The following EPB41L3 variants were observed in gnomAD, a reference collection of about 807,000 sequenced individuals.
The protein encoded by EPB41L3 is band 4.1-like protein 3.
In EPB41L3, 57 loss-of-function variants were observed where a neutral mutation model predicts 127.1. The ratio of observed to expected loss-of-function variants is 0.45; its 90% CI spans 0.36 to 0.56. The LOEUF (loss-of-function observed/expected upper bound fraction) is 0.56. Ranked by LOEUF, EPB41L3 falls within the 20% of genes least tolerant of loss-of-function variation. The pLI is 0.00. For missense variants in EPB41L3, 1,273 were observed against 1,372.2 expected, an observed-to-expected ratio of 0.93 and a Z score of 1.14; for synonymous variants, 572 against 549.5, an observed-to-expected ratio of 1.04 and a Z score of -0.57.
At chr18:5,544,081 GA>G (rs1299094138), upstream of EPB41L3, 1 of 985,450 alleles carries the variant, frequency 1.0e-6, no homozygotes, top group Non-Finnish European at 1.2e-6. Flanking sequence ...AGGCTCCGCG[GA>G]GCTGCGGCGG....
chr18:5,620,164 C>T (rs1002048613), intron 1 of EPB41L3, among the ~76,000 whole-genome samples: 2 of 152,038 alleles, frequency 1.3e-5, no homozygotes, highest in Non-Finnish European at 2.9e-5. Context: ...TATGACAATG[C>T]TTCAGGATTG....
intron 3 of EPB41L3, among the ~76,000 whole-genome samples, chr18:5,469,266 C>T (rs1187973242): frequency 6.6e-6 from 1 of 152,162 alleles, no homozygotes; most frequent in Non-Finnish European, 1.5e-5. Flanking sequence ...GTGACATCCT[C>T]TTTGGGGGGT....
At position 5,422,369 on chromosome 18, in the gene EPB41L3, G is replaced by A. The variant is rs912552282; in HGVS notation, c.1339+1009C>T. 9.9e-5 allele frequency among the ~76,000 whole-genome samples: 15 copies of A among 152,202 alleles called. No individual in the cohort carries two copies. The East Asian group carries it at 2.9e-3, about 29-fold the overall frequency. On this transcript the variant is annotated intron_variant, in intron 11 of 22. Coordinates refer to ENST00000341928, the MANE Select transcript of EPB41L3 (RefSeq NM_012307.5). ...GAGCACCTCTCCCCATCAATCACCC[G>A]GCTAGTGAAATGGGGAAGGCAGAGC...
At chr18:5,578,748 T>C (rs1453049758) in intron 3 of EPB41L3, among the ~76,000 whole-genome samples, 1 of 152,124 alleles carries the variant, frequency 6.6e-6, no homozygotes. Flanking sequence ...CCCATTCACT[T>C]AGCAAAAAAT....
chr18:5,400,686 AAAC>A, intron 16 of EPB41L3: 1 of 496,148 alleles, frequency 2.0e-6, no homozygotes, highest in South Asian at 1.7e-5. Flanking sequence ...ACAGGCAGTA[AAAC>A]AACATTTCAG....
chr18:5,486,566 T>A (rs971981097), intron 2 of EPB41L3, among the ~76,000 whole-genome samples: 3 of 151,364 alleles, frequency 2.0e-5, no homozygotes, highest in Admixed American at 6.6e-5. Context: ...GTAGAAAAAA[T>A]TTGCAAAGTG....
rs1179376967 is a variant in EPB41L3 at position 5,415,842 on chromosome 18, G to T, written c.2043C>A (p.Asp681Glu). The change falls in exon 13 of 23, where the codon GAC (aspartate) becomes GAA (glutamate). Residue 681 changes from aspartate to glutamate, a missense_variant. This residue lies in a region of EPB41L3 where 765 missense variants were observed against 782.9 expected (regional missense o/e 0.98). Transcript: ENST00000341928. Reference protein sequence around the residue: ...AASLSASLDNDPSDSSEEETD... With the variant: ...AASLSASLDNEPSDSSEEETD... ...CCTCTTCCTCTGAACTGTCACTCGG[G>T]TCATTGTCTAGGGAGGCGCTCAAGG... 2.5e-6 allele frequency: 4 copies of T among 1,612,936 alleles called. No homozygotes were observed. The East Asian group carries it at 6.7e-5, about 27-fold the overall frequency.
intron 3 of EPB41L3, among the ~76,000 whole-genome samples, chr18:5,565,285 G>A (rs2094183734): frequency 6.6e-6 from 1 of 151,872 alleles, no homozygotes; most frequent in African/African-American, 2.4e-5. Flanking sequence ...GGCAGTGTGT[G>A]CCTGTAATCC....
chr18:5,623,942 T>A (rs1248565203), intron 1 of EPB41L3, among the ~76,000 whole-genome samples: 1 of 152,156 alleles, frequency 6.6e-6, no homozygotes, highest in Admixed American at 6.5e-5. Context: ...TAGGCAATGT[T>A]TTCATTTTTA....
intron 13 of EPB41L3, among the ~76,000 whole-genome samples, chr18:5,411,079 C>T (rs995370964): frequency 1.3e-5 from 2 of 152,168 alleles, no homozygotes; most frequent in Non-Finnish European, 2.9e-5. Context: ...CTGTAACAGT[C>T]ACTGGACTTT....
intron 13 of EPB41L3, among the ~76,000 whole-genome samples, chr18:5,412,363 C>T (rs913142411): frequency 1.3e-4 from 20 of 152,002 alleles, no homozygotes; most frequent in African/African-American, 4.3e-4. Flanking sequence ...CTAGCTGGGA[C>T]TATAGGTGCA....
At chr18:5,586,557 A>T (rs1333808140) in intron 3 of EPB41L3, among the ~76,000 whole-genome samples, 1 of 143,334 alleles carries the variant, frequency 7.0e-6, no homozygotes, top group Non-Finnish European at 1.5e-5. Context: ...GCACCACCAT[A>T]CATGACTATT....
At chr18:5,594,849 A>G (rs2143640384) in intron 3 of EPB41L3, among the ~76,000 whole-genome samples, 1 of 152,362 alleles carries the variant, frequency 6.6e-6, no homozygotes, top group Admixed American at 6.5e-5. Context: ...ATTACATAAG[A>G]TTATCAAGAC....
At chr18:5,569,437 G>A (rs1249750544) in intron 3 of EPB41L3, among the ~76,000 whole-genome samples, 2 of 152,124 alleles carry the variant, frequency 1.3e-5, no homozygotes, top group East Asian at 1.9e-4. Context: ...ATATAAAGTA[G>A]TCCCCCTAAT....
Position 5,532,463 on chromosome 18 carries a change from G to T in EPB41L3, c.-12+11450C>A, listed in dbSNP as rs77487865. On this transcript the variant is annotated intron_variant, in intron 1 of 22. Coordinates refer to ENST00000341928, the MANE Select transcript of EPB41L3 (RefSeq NM_012307.5). Reference sequence around the variant, plus strand: ...CATTTTGGCACATGCCATCAGTCTCGTCTTTTCACTTTCAGTGTGTATCTC... The same window carrying T: ...CATTTTGGCACATGCCATCAGTCTCTTCTTTTCACTTTCAGTGTGTATCTC... 8.6e-3 allele frequency among the ~76,000 whole-genome samples: 1,310 copies of T among 152,282 alleles called. 19 individuals carry two copies. The highest frequency in any genetic ancestry group is 0.029 in the African/African-American group (1,220 of 41,566).
chr18:5,566,114 G>A (rs943304605), intron 3 of EPB41L3, among the ~76,000 whole-genome samples: 4 of 152,138 alleles, frequency 2.6e-5, no homozygotes, highest in African/African-American at 9.7e-5. Context: ...GTTCTGGCCA[G>A]GACAATCAGG....
At chr18:5,396,850 T>C (rs1166432164) in intron 18 of EPB41L3, among the ~76,000 whole-genome samples, 1 of 152,078 alleles carries the variant, frequency 6.6e-6, no homozygotes, top group Non-Finnish European at 1.5e-5. Flanking sequence ...TATTAATAAT[T>C]AAGAGATATG....
At chr18:5,590,781 TG>T (rs2094478602) in intron 3 of EPB41L3, among the ~76,000 whole-genome samples, 1 of 152,232 alleles carries the variant, frequency 6.6e-6, no homozygotes, top group Non-Finnish European at 1.5e-5. Context: ...AGGTGCTACC[TG>T]AATGAAAGAA....
intron 3 of EPB41L3, among the ~76,000 whole-genome samples, chr18:5,465,586 T>C (rs2084812197): frequency 6.6e-6 from 1 of 152,138 alleles, no homozygotes; most frequent in African/African-American, 2.4e-5. Flanking sequence ...GGAAATTCCA[T>C]AACTTTAAAG....
Sources: gnomAD v4.1 joint callset for allele counts (sites outside exome capture counted in the v4.1 genomes callset) on GRCh38, gnomAD v4.1.1 for gene constraint, gnomAD v4.1.1 regional missense constraint, MANE v1.5 for transcripts, NCBI Gene and HGNC (gene_info 2026-07-23, HGNC 2026-07-21) for gene names.